The following DCC variants were observed in gnomAD, a reference collection of about 807,000 sequenced individuals.
DCC encodes the protein DCC netrin 1 receptor.
Under a neutral mutation model 172.5 loss-of-function variants are expected in DCC, and 58 were observed. That is an observed-to-expected ratio of 0.34 (90% confidence interval 0.27 to 0.42). DCC has a LOEUF of 0.42. DCC is among the 10% of genes least tolerant of loss of function. The probability of loss-of-function intolerance (pLI) is 1.00; values close to 1 mark genes in which losing one functional copy is unlikely to be tolerated. For missense variants in DCC, 1,740 were observed against 1,791.0 expected (o/e 0.97, Z 0.51); for synonymous variants, 709 against 644.5 (o/e 1.10, Z -1.52).
intron 1 of DCC, among the ~76,000 whole-genome samples, chr18:52,596,012 C>T (rs2033903256): frequency 6.6e-6 from 1 of 152,170 alleles, no homozygotes; most frequent in African/African-American, 2.4e-5. Context: ...TATTCAGGCA[C>T]TTTAAAAAGG....
intron 2 of DCC, among the ~76,000 whole-genome samples, chr18:52,800,731 T>C (rs1456767776): frequency 6.6e-6 from 1 of 152,232 alleles, no homozygotes; most frequent in Non-Finnish European, 1.5e-5. Context: ...AATTGGTTCC[T>C]GAGAGGCTGC....
At chr18:53,404,078 T>C (rs1471709963) in intron 19 of DCC, among the ~76,000 whole-genome samples, 1 of 152,172 alleles carries the variant, frequency 6.6e-6, no homozygotes, top group Non-Finnish European at 1.5e-5. Context: ...TTTCTTTTTT[T>C]CCCCCTCATT....
At chr18:52,993,040 G>A (rs547782590) in intron 5 of DCC, among the ~76,000 whole-genome samples, 3 of 151,672 alleles carry the variant, frequency 2.0e-5, no homozygotes, top group Non-Finnish European at 4.4e-5. Context: ...TCAGCATGGT[G>A]CAATATCTAG....
chr18:53,106,259 C>A (rs1178358799), intron 7 of DCC, among the ~76,000 whole-genome samples: 2 of 151,866 alleles, frequency 1.3e-5, no homozygotes, highest in East Asian at 3.9e-4. Flanking sequence ...CTTCTTAGCA[C>A]ATTTTGCCAT....
chr18:53,240,273 A>C (rs552881731), intron 12 of DCC, among the ~76,000 whole-genome samples: 2 of 152,104 alleles, frequency 1.3e-5, no homozygotes, highest in Non-Finnish European at 2.9e-5. Flanking sequence ...AGCCACAAAA[A>C]CAGTCAATAG....
chr18:52,697,343 G>A (rs2036030006), intron 1 of DCC, among the ~76,000 whole-genome samples: 1 of 152,160 alleles, frequency 6.6e-6, no homozygotes, highest in African/African-American at 2.4e-5. Flanking sequence ...AGTACTAATG[G>A]ATTTCCATCT....
At chr18:53,008,132 T>C (rs1242986859) in intron 5 of DCC, among the ~76,000 whole-genome samples, 1 of 148,760 alleles carries the variant, frequency 6.7e-6, no homozygotes, top group Admixed American at 6.9e-5. Context: ...TCCTGAGAAA[T>C]CTGACTATAA....
intron 7 of DCC, among the ~76,000 whole-genome samples, chr18:53,150,829 G>C (rs1035296594): frequency 1.3e-5 from 2 of 152,234 alleles, no homozygotes; most frequent in African/African-American, 4.8e-5. Context: ...AGGCTGTTCT[G>C]AAAGTAAAGT....
At chr18:53,454,868 A>G (rs1242113878) in intron 23 of DCC, among the ~76,000 whole-genome samples, 3 of 152,172 alleles carry the variant, frequency 2.0e-5, no homozygotes, top group African/African-American at 7.2e-5. Flanking sequence ...ACTATCAGCT[A>G]CCTTAAGACT....
chr18:53,048,489 TTGTGTGTGTGTGTG>T (rs71175550), intron 5 of DCC, among the ~76,000 whole-genome samples: 75 of 139,418 alleles, frequency 5.4e-4, no homozygotes, highest in African/African-American at 1.7e-3. Context: ...ACTCCATGGT[TTGTGTGTGTGTGTG>T]TGTGTGTGTG....
At chr18:53,442,007 T>G (rs1197427141) in intron 22 of DCC, among the ~76,000 whole-genome samples, 1 of 152,248 alleles carries the variant, frequency 6.6e-6, no homozygotes, top group East Asian at 1.9e-4. Flanking sequence ...GAATAGGAGC[T>G]GATGCTTAGC....
rs2058099799 is a variant in DCC, at chr18:53,375,398, A to G, written c.2360-10645A>G. 2.0e-5 allele frequency among the ~76,000 whole-genome samples: 3 copies of G among 152,202 alleles called. No homozygotes were observed. In the South Asian group the frequency reaches 6.2e-4, roughly 31 times the overall value. Reference sequence around the variant, plus strand: ...AAGGAGAAAGGAAATGGGAAGAGGAAGGAATTACAAACATCTATAAAAAGA... The same window carrying G: ...AAGGAGAAAGGAAATGGGAAGAGGAGGGAATTACAAACATCTATAAAAAGA... On this transcript the variant is annotated intron_variant, in intron 15 of 28. Transcript: ENST00000442544.
chr18:52,865,572 G>A (rs2039212721), intron 2 of DCC, among the ~76,000 whole-genome samples: 1 of 150,712 alleles, frequency 6.6e-6, no homozygotes, highest in South Asian at 2.1e-4. Flanking sequence ...GTTTTGATTA[G>A]TATTTATTAG....
chr18:53,274,756 C>G (rs2056787154), intron 12 of DCC, among the ~76,000 whole-genome samples: 1 of 152,110 alleles, frequency 6.6e-6, no homozygotes, highest in African/African-American at 2.4e-5. Flanking sequence ...TTAAAGCAAG[C>G]TGTGTAGGCC....
intron 15 of DCC, among the ~76,000 whole-genome samples, chr18:53,385,632 GCTGATACCTAT>G (rs1908107358): frequency 2.0e-5 from 3 of 152,204 alleles, no homozygotes; most frequent in Non-Finnish European, 4.4e-5. Flanking sequence ...TCCAGCATTA[GCTGATACCTAT>G]TTTAGAATTA....
intron 13 of DCC, among the ~76,000 whole-genome samples, chr18:53,307,929 A>G (rs1473020741): frequency 2.6e-4 from 25 of 95,436 alleles, no homozygotes; most frequent in Non-Finnish European, 3.7e-4. Context: ...ATATATATAT[A>G]TATATATATA....
chr18:52,358,801 T>G (rs1171532383), intron 1 of DCC, among the ~76,000 whole-genome samples: 1 of 152,178 alleles, frequency 6.6e-6, no homozygotes, highest in African/African-American at 2.4e-5. Context: ...CTGGCTTTCA[T>G]GTCCCCAGGC....
chr18:52,733,615 C>A (rs1445315203), intron 1 of DCC, among the ~76,000 whole-genome samples: 1 of 152,112 alleles, frequency 6.6e-6, no homozygotes, highest in Non-Finnish European at 1.5e-5. Context: ...TCACCTCAGC[C>A]TCCCAAGTAG....
intron 1 of DCC, among the ~76,000 whole-genome samples, chr18:52,741,800 G>A (rs1162160186): frequency 3.3e-5 from 5 of 152,046 alleles, no homozygotes; most frequent in Admixed American, 1.3e-4. Context: ...GGGTGCCTTA[G>A]CATCCTCTGC....
Sources: gnomAD v4.1 joint callset for allele counts (sites outside exome capture counted in the v4.1 genomes callset) on GRCh38, gnomAD v4.1.1 for gene constraint, MANE v1.5 for transcripts, NCBI Gene and HGNC (gene_info 2026-07-23, HGNC 2026-07-21) for gene names.